MYO9B: variants seen among roughly 807,000 people sequenced by gnomAD.
The protein encoded by MYO9B is unconventional myosin-IXb.
Under a neutral mutation model 229.5 loss-of-function variants are expected in MYO9B, and 71 were observed. The observed-to-expected ratio is 0.31, with a 90% confidence interval of 0.26 to 0.38. MYO9B has a LOEUF of 0.38. MYO9B is among the 10% of genes least tolerant of loss of function. MYO9B has a pLI of 1.00. For synonymous variants in MYO9B, 1,185 were observed against 1,235.8 expected (o/e 0.96, Z 0.86); for missense variants, 2,255 against 2,920.5 (o/e 0.77, Z 5.25).
chr19:17,194,498 T>C (rs2073019423), intron 21 of MYO9B, 58 bp from the exon 22 acceptor site: 1 of 1,565,942 alleles, frequency 6.4e-7, no homozygotes, highest in Non-Finnish European at 8.7e-7. Context: ...CGGAACTCAG[T>C]GGGAGGTGGA....
At chr19:17,166,312 G>A (rs974613727) in intron 10 of MYO9B, among the ~76,000 whole-genome samples, 3 of 152,104 alleles carry the variant, frequency 2.0e-5, no homozygotes, top group African/African-American at 7.2e-5. Context: ...CAAAGTGCTG[G>A]GATTACAGGC....
rs375006911 is a variant in MYO9B, at chr19:17,188,000, C to A, written c.2643C>A (p.Thr881=). The change falls in exon 19 of 40, where the codon ACC becomes ACA. Residue 881 remains threonine (T), a synonymous_variant. Transcript: ENST00000682292. ...TGCGCTACACCGGCATGCTGGAGAC[C>A]GTGCGCATCCGGAGGTCAGGGTACA... is the stretch of plus-strand genomic sequence containing the variant. ...QQLRYTGMLE[T]VRIRRSGYSA... 1 of 1,601,510 alleles carries A rather than the reference C, an allele frequency of 6.2e-7. No individual in the cohort carries two copies. The highest frequency in any genetic ancestry group is 1.1e-5 in the South Asian group (1 of 88,642).
Position 17,200,387 on chromosome 19 carries a change from G to T in MYO9B, c.4333G>T (p.Val1445Leu). 7 of 1,599,096 alleles carry T rather than the reference G, an allele frequency of 4.4e-6. No homozygotes were observed. The highest frequency in any genetic ancestry group is 6.0e-6 in the Non-Finnish European group (7 of 1,172,446). ...GCTGGAGAATGCAGTGTCCGGGCAC[G>T]TGGTGCTGGAAGCCACCACCATGAA... ...EELENAVSGH[V>L]VLEATTMKKG... Residue 1445 changes from valine to leucine, a missense_variant, in exon 25 of 40, where the codon GTG becomes TTG. This residue lies in a region of MYO9B where 679 missense variants were observed against 770.2 expected (regional missense o/e 0.88). Transcript: ENST00000682292.
intron 35 of MYO9B, among the ~76,000 whole-genome samples, chr19:17,208,838 G>A (rs575036551): frequency 6.6e-6 from 1 of 152,194 alleles, no homozygotes; most frequent in East Asian, 1.9e-4. Flanking sequence ...CCCAACCTGA[G>A]TCCCTCTGGT....
chr19:17,119,697 G>A (rs1266630757), intron 2 of MYO9B, among the ~76,000 whole-genome samples: 1 of 152,180 alleles, frequency 6.6e-6, no homozygotes, highest in Non-Finnish European at 1.5e-5. Context: ...TGTCACCCAG[G>A]CTGGAGTGCA....
intron 2 of MYO9B, among the ~76,000 whole-genome samples, chr19:17,136,540 A>G (rs951421195): frequency 2.0e-5 from 3 of 151,996 alleles, no homozygotes; most frequent in East Asian, 3.9e-4. Flanking sequence ...GTGTACATCA[A>G]TGCTCCGCAG....
intron 2 of MYO9B, among the ~76,000 whole-genome samples, chr19:17,140,552 G>A (rs1194891987): frequency 7.3e-5 from 11 of 151,622 alleles, no homozygotes; most frequent in African/African-American, 2.2e-4. Context: ...GCAATGGCAC[G>A]ATCTCGGCTC....
chr19:17,191,189 C>T lies in MYO9B; in HGVS notation c.2781C>T (p.Asp927=), dbSNP rs544731346. The T allele has an allele frequency of 4.4e-4, 707 of 1,612,232 alleles. 12 individuals are homozygous for T. In the South Asian group the frequency reaches 7.3e-3, roughly 17 times the overall value. The stretch of plus-strand genomic sequence containing the variant: ...CCCTCCTGGAGAAAATGAAGATAGA[C>T]AAGAGGAACTACCAGATCGGGAAGA... ...ISTLLEKMKI[D]KRNYQIGKTK... is the part of the protein sequence containing the mutation. Residue 927 remains aspartate, a synonymous_variant, in exon 20 of 40, where the codon GAC becomes GAT. Coordinates refer to ENST00000682292, the MANE Select transcript of MYO9B (RefSeq NM_004145.4).
At position 17,193,843 on chromosome 19, in the gene MYO9B, A is replaced by C. The variant is rs1568295776; in HGVS notation, c.3129-713A>C. On this transcript the variant is annotated intron_variant, in intron 21 of 39. Coordinates refer to ENST00000682292, the MANE Select transcript of MYO9B (RefSeq NM_004145.4). This position sits in a 1 kb window ranked among gnomAD's most constrained non-coding sequence, Gnocchi z 4.3. ...CAGTGAGCTATGATCACACCACTGCACTCCAGCCTAAGTGACAGAGCCAGA... is the reference window on the plus strand; with the variant it reads ...CAGTGAGCTATGATCACACCACTGCCCTCCAGCCTAAGTGACAGAGCCAGA... 6.6e-6 allele frequency among the ~76,000 whole-genome samples: 1 copy of C among 152,056 alleles called. No individual in the cohort carries two copies. The highest frequency in any genetic ancestry group is 2.4e-5 in the African/African-American group (1 of 41,382).
At chr19:17,182,492 C>T (rs1312158241) in intron 15 of MYO9B, among the ~76,000 whole-genome samples, 1 of 152,108 alleles carries the variant, frequency 6.6e-6, no homozygotes, top group East Asian at 1.9e-4. Flanking sequence ...CAACCTCCAC[C>T]TCCCGGGTTC....
Position 17,163,135 on chromosome 19 carries a change from CTTTT to C in MYO9B, c.1671+16_1671+19del. The C allele has an allele frequency of 6.5e-7, 1 of 1,546,750 alleles. No homozygotes were observed. Among genetic ancestry groups the C allele is most frequent in the Non-Finnish European group, 8.7e-7 (1 of 1,145,144 alleles). On this transcript the variant is annotated intron_variant, in intron 10 of 39. Transcript: ENST00000682292. The stretch of plus-strand genomic sequence containing the variant: ...CAAGCTGGAGCAGGTGCGGAAAGGG[CTTTT>C]TTGTCAATTTTTTGAACTTGGTAAA...
chr19:17,187,793 T>A (rs931286786), intron 18 of MYO9B, 142 bp from the exon 19 acceptor site: 5 of 672,356 alleles, frequency 7.4e-6, no homozygotes, highest in Admixed American at 2.2e-5. Context: ...ACCCTGACCA[T>A]GTCTGTGTTC....
intron 11 of MYO9B, among the ~76,000 whole-genome samples, chr19:17,171,094 C>T (rs958066645): frequency 2.0e-5 from 3 of 152,146 alleles, no homozygotes; most frequent in Non-Finnish European, 4.4e-5. Flanking sequence ...AGGCAGATGC[C>T]TTACACTCCA....
intron 1 of MYO9B, among the ~76,000 whole-genome samples, chr19:17,095,164 A>G (rs1005527939): frequency 2.0e-5 from 3 of 151,948 alleles, no homozygotes; most frequent in African/African-American, 7.3e-5. Flanking sequence ...AATCGCTTGA[A>G]CCCAGGACGT....
chr19:17,124,509 T>C (rs895956227), intron 2 of MYO9B, among the ~76,000 whole-genome samples: 1 of 152,114 alleles, frequency 6.6e-6, no homozygotes, highest in African/African-American at 2.4e-5. Context: ...TGGGGGCTCA[T>C]GCCTGTAATC....
chr19:17,157,106 G>A (rs1325445033), intron 7 of MYO9B, 68 bp downstream of exon 7: 3 of 1,546,332 alleles, frequency 1.9e-6, no homozygotes, highest in Non-Finnish European at 2.6e-6. Context: ...TCAGTACGAG[G>A]GACCATACCC....
At chr19:17,152,819 C>A in intron 4 of MYO9B, 113 bp downstream of exon 4, 1 of 900,664 alleles carries the variant, frequency 1.1e-6, no homozygotes, top group Non-Finnish European at 1.7e-6. Context: ...CTGGGGGAGG[C>A]CGTGGAGGCT....
chr19:17,149,078 G>T (rs185573797), intron 3 of MYO9B, among the ~76,000 whole-genome samples: 1 of 152,074 alleles, frequency 6.6e-6, no homozygotes, highest in Non-Finnish European at 1.5e-5. Flanking sequence ...GGAGTCAAGC[G>T]ATCCTCCTGC....
At position 17,210,762 on chromosome 19, in the gene MYO9B, G is replaced by A; in HGVS notation, c.5844G>A (p.Val1948=). The change falls in exon 38 of 40, where the codon GTG becomes GTA. Residue 1948 remains valine (V), a synonymous_variant. Coordinates refer to ENST00000682292, the MANE Select transcript of MYO9B (RefSeq NM_004145.4). The part of the protein sequence containing the change: ...TRDIQEEELE[V]LLEEEAAGGD... ...ACATCCAGGAGGAGGAGCTGGAGGT[G>A]CTGCTGGAGGAGGAGGCAGCCGGCG... 6.4e-7 allele frequency: 1 copy of A among 1,571,204 alleles called. No homozygotes were observed.
Sources: gnomAD v4.1 joint callset for allele counts (sites outside exome capture counted in the v4.1 genomes callset) on GRCh38, gnomAD v4.1.1 for gene constraint, gnomAD v4.1.1 regional missense constraint, Gnocchi (gnomAD v3.1) non-coding constraint, MANE v1.5 for transcripts, NCBI Gene and HGNC (gene_info 2026-07-23, HGNC 2026-07-21) for gene names.